The following NCOA4 variants were observed in gnomAD, a reference collection of about 807,000 sequenced individuals.
NCOA4 encodes nuclear receptor coactivator 4.
Under a neutral mutation model 69.5 loss-of-function variants are expected in NCOA4, and 31 were observed. The observed-to-expected ratio is 0.45, with a 90% CI of 0.34 to 0.60. NCOA4 has a LOEUF of 0.60. NCOA4 is among the 20% of genes least tolerant of loss of function. The probability of loss-of-function intolerance (pLI) is 0.02; values close to 1 mark genes in which losing one functional copy is unlikely to be tolerated. For missense variants in NCOA4, 600 were observed against 719.2 expected (o/e 0.83, Z 1.90); for synonymous variants, 228 against 252.4 (o/e 0.90, Z 0.92).
chr10:46,007,989 G>C (rs1386429709), intron 9 of NCOA4, among the ~76,000 whole-genome samples: 1 of 152,140 alleles, frequency 6.6e-6, no homozygotes, highest in Non-Finnish European at 1.5e-5. Flanking sequence ...ACAAAGCTTG[G>C]ATGACAGCGC....
intron 1 of NCOA4, chr10:46,023,337 G>C: frequency 2.0e-6 from 2 of 985,614 alleles, no homozygotes; most frequent in Non-Finnish European, 2.4e-6. Flanking sequence ...TACCTCACAG[G>C]CCAGGTCACC....
chr10:46,022,559 C>G (rs782819987), intron 1 of NCOA4: 14 of 424,130 alleles, frequency 3.3e-5, no homozygotes, highest in South Asian at 2.3e-4. Context: ...CTCCCGGCTT[C>G]ATACCATTCT....
In NCOA4 at chr10:46,010,348, T is replaced by C. The variant is rs1554920897; in HGVS notation, c.1573A>G (p.Ser525Gly). Reference protein sequence around the residue: ...EDRAGKQKFKSPMNTSWCSFN... With the variant: ...EDRAGKQKFKGPMNTSWCSFN... ...GAACACCAGGAAGTATTCATGGGGC[T>C]TTTAAACTTCTGTTTGCCAGCTCTG... Residue 525 changes from serine (S) to glycine (G), a missense_variant, in exon 8 of 10, where the codon AGC (serine) becomes GGC (glycine). By Grantham distance (56) the Ser-to-Gly change is moderately conservative (BLOSUM62 0). Coordinates refer to ENST00000581486, the MANE Select transcript of NCOA4 (RefSeq NM_001145263.2). 6.2e-7 allele frequency: 1 copy of C among 1,614,030 alleles called. No individual in the cohort carries two copies. Among genetic ancestry groups the C allele is most frequent in the East Asian group, 2.2e-5 (1 of 44,890 alleles).
Position 46,023,671 on chromosome 10 carries a change from C to A in NCOA4, c.-15+6855G>T, listed in dbSNP as rs1304899776. 2.6e-5 allele frequency among the ~76,000 whole-genome samples: 4 copies of A among 152,214 alleles called. No homozygotes were observed. In the East Asian group the frequency reaches 7.7e-4, roughly 29 times the overall value. ...GAAGGACCTCGGATGGCACCTGGGG[C>A]TCCTCTCCAGCCTCTCCTCTCCCCA... On this transcript the variant is annotated intron_variant, in intron 1 of 9. Transcript: ENST00000581486.
Position 46,008,778 on chromosome 10 carries a change from C to T in NCOA4, c.1839+633G>A, listed in dbSNP as rs144752169. Among the ~76,000 whole-genome samples the T allele has an allele frequency of 4.8e-3, 725 of 152,284 alleles. 5 individuals carry two copies. The highest frequency in any genetic ancestry group is 0.019 in the East Asian group (97 of 5,182). ...ATATTTCGTGAAAGGAAAAGTCAATCGATGCAGCAAACTTCATTATCTTAT... is the reference window on the plus strand; with the variant it reads ...ATATTTCGTGAAAGGAAAAGTCAATTGATGCAGCAAACTTCATTATCTTAT... On this transcript the variant is annotated intron_variant, in intron 9 of 9. Coordinates refer to ENST00000581486, the MANE Select transcript of NCOA4 (RefSeq NM_001145263.2).
At chr10:46,016,367 T>TCC (rs1554923190) in intron 2 of NCOA4, among the ~76,000 whole-genome samples, 173 bp downstream of exon 2, 1 of 152,122 alleles carries the variant, frequency 6.6e-6, no homozygotes, top group African/African-American at 2.4e-5. Flanking sequence ...CTGCCTTATT[T>TCC]CCCCTTGGGA....
intron 5 of NCOA4, among the ~76,000 whole-genome samples, chr10:46,014,105 C>T (rs1554922453): frequency 6.6e-6 from 1 of 152,086 alleles, no homozygotes; most frequent in Non-Finnish European, 1.5e-5. Context: ...CAGGTCACTG[C>T]AACCTCCGCC....
At chr10:46,009,300 C>T (rs1839054152) in intron 9 of NCOA4, 111 bp downstream of exon 9, 5 of 1,474,630 alleles carry the variant, frequency 3.4e-6, no homozygotes, top group Non-Finnish European at 3.8e-6. Flanking sequence ...AATATACATA[C>T]TATTAAAAGG....
rs1554919407 is a variant in NCOA4, at chr10:46,005,663, C to T, written c.*929G>A. 1.3e-4 allele frequency: 28 copies of T among 218,664 alleles called. No homozygotes were observed. The highest frequency in any genetic ancestry group is 1.8e-5 in the Non-Finnish European group (2 of 108,604). The allele number at this position is 218,664 out of a possible 1,614,324, so 13.5% of individuals were successfully genotyped here. A position where few individuals can be genotyped will look rare whatever the true frequency, so the allele number is the denominator to read the frequency against. Reference sequence around the variant, plus strand: ...CGTCACTTTTGGAGGTACAGGTATGCTGTGCTTGCAGTGAGAGGATGACTT... The same window carrying T: ...CGTCACTTTTGGAGGTACAGGTATGTTGTGCTTGCAGTGAGAGGATGACTT... On this transcript the variant is annotated 3_prime_UTR_variant, in exon 10 of 10. Transcript: ENST00000581486.
In NCOA4 at chr10:46,005,152, T is replaced by A. The variant is rs1554919176; in HGVS notation, c.*1440A>T. The A allele has an allele frequency of 5.1e-6, 1 of 195,542 alleles. No individual in the cohort carries two copies. 12.1% of individuals were successfully genotyped at this position (195,542 alleles called of 1,614,324 possible). Reference sequence around the variant, plus strand: ...CATCAATGCAAAAGAATGTTTTACATACTCATTAACATAGTGATTAATGTA... The same window carrying A: ...CATCAATGCAAAAGAATGTTTTACAAACTCATTAACATAGTGATTAATGTA... On this transcript the variant is annotated 3_prime_UTR_variant, in exon 10 of 10. Transcript: ENST00000581486.
intron 1 of NCOA4, among the ~76,000 whole-genome samples, chr10:46,019,131 T>A (rs1346322665): frequency 1.3e-5 from 2 of 152,224 alleles, no homozygotes; most frequent in African/African-American, 4.8e-5. Context: ...GTCTCTTTTC[T>A]CCATAATCAT....
chr10:46,011,998 T>C (rs782814534), intron 7 of NCOA4, among the ~76,000 whole-genome samples: 11 of 132,784 alleles, frequency 8.3e-5, no homozygotes, highest in Admixed American at 8.8e-5. Flanking sequence ...AGGACGGAGC[T>C]TGCAGTGAGC....
At position 46,010,753 on chromosome 10, in the gene NCOA4, G is replaced by A. The variant is rs1166570049; in HGVS notation, c.1168C>T (p.Leu390Phe). Residue 390 changes from leucine to phenylalanine, a missense_variant, in exon 8 of 10, where the codon CTT (leucine) becomes TTT (phenylalanine). Physicochemically the swap from Leu to Phe is conservative, Grantham distance 22. Transcript: ENST00000581486. ...CATGGGTCCTGATGGTTCTGGACAA[G>A]CCAATCCTCTGTAACCATGCTGGGG... ...STPSMVTEDW[L>F]VQNHQDPCKV... is the part of the protein sequence containing the mutation. 1 of 1,613,830 alleles carries A rather than the reference G, an allele frequency of 6.2e-7. No homozygotes were observed. The highest frequency in any genetic ancestry group is 1.3e-5 in the African/African-American group (1 of 74,908).
Position 46,024,375 on chromosome 10 carries a change from C to A in NCOA4, c.-15+6151G>T, listed in dbSNP as rs373878558. 7.9e-5 allele frequency among the ~76,000 whole-genome samples: 12 copies of A among 152,268 alleles called. 2 individuals are homozygous for A. The highest frequency in any genetic ancestry group is 3.9e-4 in the East Asian group (2 of 5,188). On this transcript the variant is annotated intron_variant, in intron 1 of 9. Coordinates refer to ENST00000581486, the MANE Select transcript of NCOA4 (RefSeq NM_001145263.2). The stretch of plus-strand genomic sequence containing the variant: ...TATGTGCCTCTGAAAAATGGCTGAT[C>A]ACAATGTAAATACAAAGAAACTTTG...
rs1554919164 is a variant in NCOA4, at chr10:46,005,103, T to G, written c.*1489A>C. On this transcript the variant is annotated 3_prime_UTR_variant, in exon 10 of 10. Coordinates refer to ENST00000581486, the MANE Select transcript of NCOA4 (RefSeq NM_001145263.2). ...ACGCAACAACTATGGCTGTTATGCT[T>G]TTAATGGAAGCAGATACAAAATTCA... The G allele has an allele frequency of 5.4e-6, 1 of 186,704 alleles. No individual in the cohort carries two copies. The highest frequency in any genetic ancestry group is 8.6e-5 in the East Asian group (1 of 11,678). 11.6% of individuals were successfully genotyped at this position (186,704 alleles called of 1,614,324 possible).
chr10:46,025,530 A>G (rs1049510578), intron 1 of NCOA4, among the ~76,000 whole-genome samples: 39 of 152,194 alleles, frequency 2.6e-4, no homozygotes, highest in African/African-American at 8.2e-4. Context: ...TGTCTCCCAG[A>G]ACAGCTCCCA....
At chr10:46,014,115 C>T (rs1839395499) in intron 5 of NCOA4, among the ~76,000 whole-genome samples, 1 of 152,062 alleles carries the variant, frequency 6.6e-6, no homozygotes, top group Admixed American at 6.5e-5. Flanking sequence ...CAACCTCCGC[C>T]TCCCAGCTTG....
At chr10:46,023,569 C>A (rs1252360159) in intron 1 of NCOA4, 2 of 965,572 alleles carry the variant, frequency 2.1e-6, no homozygotes, top group East Asian at 1.1e-4. Flanking sequence ...TCGCGGCCCC[C>A]CTGCAGCTCC....
At position 46,005,195 on chromosome 10, in the gene NCOA4, T is replaced by C. The variant is rs1838743413; in HGVS notation, c.*1397A>G. On this transcript the variant is annotated 3_prime_UTR_variant, in exon 10 of 10. Coordinates refer to ENST00000581486, the MANE Select transcript of NCOA4 (RefSeq NM_001145263.2). ...TTAATGTAAATTATATTTTGACTTG[T>C]AAAATACAGTGTGTTTGGCCTCAAG... is the stretch of plus-strand genomic sequence containing the variant. The C allele has an allele frequency of 4.8e-6, 1 of 208,060 alleles. No homozygotes were observed. Among genetic ancestry groups the C allele is most frequent in the Non-Finnish European group, 9.8e-6 (1 of 101,986 alleles). 12.9% of individuals were successfully genotyped at this position (208,060 alleles called of 1,614,324 possible). A position where few individuals can be genotyped will look rare whatever the true frequency, so the allele number is the denominator to read the frequency against.
Sources: allele counts gnomAD v4.1 joint callset (sites outside exome capture counted in the v4.1 genomes callset), GRCh38; gene constraint gnomAD v4.1.1; transcripts MANE v1.5; gene names NCBI Gene and HGNC (gene_info 2026-07-23, HGNC 2026-07-21).